The following ACAP2 variants were observed in gnomAD, a reference collection of about 807,000 sequenced individuals.
ACAP2 encodes ArfGAP with coiled-coil, ankyrin repeat and PH domains 2, also known as arf-GAP with coiled-coil, ANK repeat and PH domain-containing protein 2.
A neutral mutation model predicts 115.8 loss-of-function variants in ACAP2; 39 were observed. The observed-to-expected ratio is 0.34, with a 90% confidence interval of 0.26 to 0.44. ACAP2 has a LOEUF of 0.44. ACAP2 is among the 20% of genes least tolerant of loss of function. ACAP2 has a pLI of 1.00. For synonymous variants in ACAP2, 289 were observed against 315.8 expected, an observed-to-expected ratio of 0.92 and a Z score of 0.90; for missense variants, 662 against 927.6, an observed-to-expected ratio of 0.71 and a Z score of 3.72.
chr3:195,306,947 G>A (rs1029928266), intron 12 of ACAP2: 11 of 328,048 alleles, frequency 3.4e-5, no homozygotes, highest in South Asian at 6.0e-5. Flanking sequence ...AGTTATCAAA[G>A]AAACTCATAT....
rs1334365310 is a variant in ACAP2 at position 195,392,087 on chromosome 3, T to C, written c.111+3A>G. ...TTTCAAAAAGCTAACTTGTAAAATT[T>C]ACCTTATCAAGTTTTAGTTCCAATT... On this transcript the variant is annotated splice_donor_region_variant and intron_variant, in intron 2 of 22. Transcript: ENST00000326793. 6.2e-7 allele frequency: 1 copy of C among 1,611,722 alleles called. No homozygotes were observed. The highest frequency in any genetic ancestry group is 1.1e-5 in the South Asian group (1 of 90,686).
chr3:195,422,845 T>C (rs1241534529), intron 1 of ACAP2, among the ~76,000 whole-genome samples: 2 of 152,166 alleles, frequency 1.3e-5, no homozygotes, highest in African/African-American at 4.8e-5. Flanking sequence ...AGGCCTCAGA[T>C]ACGACTGAGA....
chr3:195,368,550 TTG>T (rs1489521867), intron 4 of ACAP2, among the ~76,000 whole-genome samples: 4 of 152,218 alleles, frequency 2.6e-5, no homozygotes, highest in Non-Finnish European at 4.4e-5. Flanking sequence ...TTACCACAAT[TTG>T]TGTTATCATT....
chr3:195,378,411 G>C (rs573715396), intron 4 of ACAP2, among the ~76,000 whole-genome samples: 1 of 151,810 alleles, frequency 6.6e-6, no homozygotes, highest in Non-Finnish European at 1.5e-5. Flanking sequence ...AGAATCCCTC[G>C]AACCCAGGAG....
At chr3:195,349,803 G>T in intron 4 of ACAP2, 1 of 343,424 alleles carries the variant, frequency 2.9e-6, no homozygotes, top group South Asian at 2.6e-5. Context: ...AAGAGATCCA[G>T]AAATTTGCCA....
chr3:195,425,793 T>C (rs566826035), intron 1 of ACAP2, among the ~76,000 whole-genome samples: 9 of 152,296 alleles, frequency 5.9e-5, no homozygotes, highest in African/African-American at 2.2e-4. Flanking sequence ...TTTATTCTTC[T>C]AATTCCCTAT....
chr3:195,354,995 C>T (rs1325871266), intron 4 of ACAP2, among the ~76,000 whole-genome samples: 2 of 152,162 alleles, frequency 1.3e-5, no homozygotes, highest in Non-Finnish European at 2.9e-5. Context: ...CTCTGAGTAG[C>T]TGGGACTACA....
At chr3:195,296,769 C>T (rs942328908) in intron 16 of ACAP2, among the ~76,000 whole-genome samples, 3 of 152,142 alleles carry the variant, frequency 2.0e-5, no homozygotes, top group Admixed American at 1.3e-4. Flanking sequence ...TATTATAATG[C>T]CATGCATAAA....
At chr3:195,409,632 C>G (rs1713084926) in intron 1 of ACAP2, among the ~76,000 whole-genome samples, 1 of 151,806 alleles carries the variant, frequency 6.6e-6, no homozygotes, top group African/African-American at 2.4e-5. Context: ...TCTCAGCACC[C>G]TGGGAGGCTG....
intron 21 of ACAP2, among the ~76,000 whole-genome samples, chr3:195,286,532 GT>G (rs1161683556): frequency 1.3e-5 from 2 of 152,144 alleles, no homozygotes; most frequent in African/African-American, 4.8e-5. Context: ...CCTCTCGTCC[GT>G]CCTTCTGGGC....
intron 4 of ACAP2, among the ~76,000 whole-genome samples, chr3:195,350,303 T>C (rs527866128): frequency 8.5e-5 from 13 of 152,334 alleles, no homozygotes; most frequent in African/African-American, 2.9e-4. Context: ...AGAATACTCA[T>C]ACTACCTGAT....
At chr3:195,383,482 GA>G (rs1734082972) in intron 2 of ACAP2, among the ~76,000 whole-genome samples, 1 of 151,724 alleles carries the variant, frequency 6.6e-6, no homozygotes, top group Non-Finnish European at 1.5e-5. Flanking sequence ...GATAAAAAAA[GA>G]AATTAAATTG....
At chr3:195,332,773 T>G (rs933895411) in intron 8 of ACAP2, among the ~76,000 whole-genome samples, 8 of 152,142 alleles carry the variant, frequency 5.3e-5, no homozygotes, top group Non-Finnish European at 1.2e-4. Context: ...GCGTTCATTC[T>G]CCCCTCTGCT....
intron 22 of ACAP2, chr3:195,282,719 A>G (rs977766659): frequency 1.3e-5 from 2 of 152,232 alleles, no homozygotes; most frequent in African/African-American, 4.8e-5. Flanking sequence ...TCATCACTCA[A>G]CATTTATAAT....
At chr3:195,379,623 T>C (rs988645801) in intron 4 of ACAP2, among the ~76,000 whole-genome samples, 3 of 152,086 alleles carry the variant, frequency 2.0e-5, no homozygotes, top group Non-Finnish European at 4.4e-5. Context: ...CAAGACCTCA[T>C]CTCTACCAAA....
At chr3:195,322,878 C>T (rs1729539384) in intron 9 of ACAP2, among the ~76,000 whole-genome samples, 1 of 152,124 alleles carries the variant, frequency 6.6e-6, no homozygotes, top group African/African-American at 2.4e-5. Context: ...TTAATATCAG[C>T]TAATATTTTG....
chr3:195,280,840 T>C (rs1577226037), intron 22 of ACAP2: 1 of 152,252 alleles, frequency 6.6e-6, no homozygotes, highest in East Asian at 1.9e-4. Context: ...AATTCTGTTC[T>C]CAAGATTTCA....
chr3:195,432,478 T>C (rs894978726), intron 1 of ACAP2, among the ~76,000 whole-genome samples: 3 of 152,258 alleles, frequency 2.0e-5, no homozygotes, highest in African/African-American at 7.2e-5. Flanking sequence ...TGGGTACCTC[T>C]GTTAAAACTG....
At chr3:195,302,679 T>C (rs1031555891) in intron 13 of ACAP2, among the ~76,000 whole-genome samples, 8 of 151,518 alleles carry the variant, frequency 5.3e-5, no homozygotes, top group African/African-American at 1.9e-4. Context: ...AAAGAAGAGA[T>C]CAACTACAAA....
Sources: allele counts gnomAD v4.1 joint callset (sites outside exome capture counted in the v4.1 genomes callset), GRCh38; gene constraint gnomAD v4.1.1; transcripts MANE v1.5; gene names NCBI Gene and HGNC (gene_info 2026-07-23, HGNC 2026-07-21).